CACNA2D3: variants seen among roughly 807,000 people sequenced by gnomAD.
CACNA2D3 encodes the protein calcium voltage-gated channel auxiliary subunit alpha2delta 3.
A neutral mutation model predicts 160.6 loss-of-function variants in CACNA2D3; 60 were observed. The observed-to-expected ratio is 0.37, with a 90% CI of 0.30 to 0.46. The LOEUF (loss-of-function observed/expected upper bound fraction) is 0.46. CACNA2D3 is among the 20% of genes least tolerant of loss of function. CACNA2D3 has a pLI of 1.00. For missense variants in CACNA2D3, 1,205 were observed against 1,365.0 expected, an observed-to-expected ratio of 0.88 and a Z score of 1.85; for synonymous variants, 558 against 492.9, an observed-to-expected ratio of 1.13 and a Z score of -1.75.
At chr3:54,621,239 CA>C (rs1435217336) in intron 9 of CACNA2D3, among the ~76,000 whole-genome samples, 1 of 152,314 alleles carries the variant, frequency 6.6e-6, no homozygotes, top group African/African-American at 2.4e-5. Context: ...GGAAAAAAAA[CA>C]TGATTGCTGT....
intron 35 of CACNA2D3, among the ~76,000 whole-genome samples, chr3:55,046,102 G>A (rs200149069): frequency 6.7e-6 from 1 of 149,002 alleles, no homozygotes; most frequent in African/African-American, 2.5e-5. Context: ...TTTTTTTAAC[G>A]TCTTTTTTTT....
intron 11 of CACNA2D3, among the ~76,000 whole-genome samples, chr3:54,672,842 A>G (rs1469818922): frequency 2.6e-5 from 4 of 152,248 alleles, no homozygotes; most frequent in Non-Finnish European, 4.4e-5. Context: ...AGCCCATAGC[A>G]TGGTGGCTGG....
chr3:54,270,988 C>T (rs1699476688), intron 2 of CACNA2D3, among the ~76,000 whole-genome samples: 1 of 152,290 alleles, frequency 6.6e-6, no homozygotes, highest in East Asian at 1.9e-4. Flanking sequence ...AAATCAGGAA[C>T]AGTAAGTTTC....
intron 6 of CACNA2D3, among the ~76,000 whole-genome samples, chr3:54,565,088 T>A (rs1702387725): frequency 6.6e-6 from 1 of 152,122 alleles, no homozygotes; most frequent in Non-Finnish European, 1.5e-5. Context: ...GTAGCTTGGA[T>A]GAAAGTCCAA....
intron 3 of CACNA2D3, among the ~76,000 whole-genome samples, chr3:54,378,122 C>A (rs952465687): frequency 1.3e-5 from 2 of 152,124 alleles, no homozygotes; most frequent in African/African-American, 4.8e-5. Flanking sequence ...AGGAAATTTC[C>A]TTTCATTTTG....
intron 2 of CACNA2D3, among the ~76,000 whole-genome samples, chr3:54,300,001 C>T (rs993514759): frequency 6.6e-6 from 1 of 152,130 alleles, no homozygotes; most frequent in Admixed American, 6.5e-5. Flanking sequence ...ATTTGCTGCT[C>T]GGATGTATTT....
chr3:54,598,911 G>T (rs73841701), intron 9 of CACNA2D3, among the ~76,000 whole-genome samples: 1 of 152,128 alleles, frequency 6.6e-6, no homozygotes, highest in African/African-American at 2.4e-5. Context: ...GCAAAACACC[G>T]TTTGTGATGC....
intron 3 of CACNA2D3, among the ~76,000 whole-genome samples, chr3:54,359,614 TC>T (rs954561189): frequency 6.6e-6 from 1 of 152,190 alleles, no homozygotes; most frequent in African/African-American, 2.4e-5. Context: ...TCAGTGGAAA[TC>T]AAGGGTTCCA....
intron 35 of CACNA2D3, among the ~76,000 whole-genome samples, chr3:55,062,276 C>T (rs1203243702): frequency 7.9e-6 from 1 of 126,026 alleles, no homozygotes; most frequent in East Asian, 2.4e-4. Context: ...CACATCATAT[C>T]TGTCTTTTTT....
At chr3:54,142,845 T>C (rs1459893704) in intron 2 of CACNA2D3, among the ~76,000 whole-genome samples, 1 of 152,220 alleles carries the variant, frequency 6.6e-6, no homozygotes, top group Non-Finnish European at 1.5e-5. Flanking sequence ...CTCCAGTGCC[T>C]ATGTCTGTAA....
At chr3:54,332,899 G>T (rs1429827720) in intron 3 of CACNA2D3, among the ~76,000 whole-genome samples, 2 of 152,130 alleles carry the variant, frequency 1.3e-5, no homozygotes, top group Non-Finnish European at 2.9e-5. Flanking sequence ...TCCCCACATG[G>T]AGTTTATGTG....
chr3:54,581,895 G>T lies in CACNA2D3; in HGVS notation c.963+18G>T. ...ACAAAGAGGTAGGGGCAGCTCGGGGGAGCATTCCAGTCATGGTACACCCCT... is the reference window on the plus strand; with the variant it reads ...ACAAAGAGGTAGGGGCAGCTCGGGGTAGCATTCCAGTCATGGTACACCCCT... On this transcript the variant is annotated intron_variant, in intron 9 of 37. Coordinates refer to ENST00000474759, the MANE Select transcript of CACNA2D3 (RefSeq NM_018398.3). 1 of 1,608,046 alleles carries T rather than the reference G, an allele frequency of 6.2e-7. No individual in the cohort carries two copies. The highest frequency in any genetic ancestry group is 8.5e-7 in the Non-Finnish European group (1 of 1,175,326).
intron 11 of CACNA2D3, among the ~76,000 whole-genome samples, chr3:54,729,737 C>A (rs943018874): frequency 6.6e-6 from 1 of 152,136 alleles, no homozygotes; most frequent in Non-Finnish European, 1.5e-5. Context: ...TGGTGGCTCA[C>A]GCCTATAATC....
chr3:54,318,890 G>T (rs1321402312), intron 2 of CACNA2D3, among the ~76,000 whole-genome samples: 2 of 151,966 alleles, frequency 1.3e-5, no homozygotes, highest in Admixed American at 6.6e-5. Flanking sequence ...AATTTGTAGA[G>T]ACTGGGTCTC....
intron 4 of CACNA2D3, among the ~76,000 whole-genome samples, chr3:54,414,084 AATTT>A (rs1256941858): frequency 2.0e-5 from 3 of 151,910 alleles, no homozygotes; most frequent in African/African-American, 7.2e-5. Context: ...AAATCAATTA[AATTT>A]ATATTAGGAA....
intron 29 of CACNA2D3, among the ~76,000 whole-genome samples, chr3:54,973,334 C>T (rs1444331159): frequency 6.6e-6 from 1 of 152,178 alleles, no homozygotes; most frequent in African/African-American, 2.4e-5. Flanking sequence ...CTTTTCCACT[C>T]ACCTGTGCAA....
intron 13 of CACNA2D3, among the ~76,000 whole-genome samples, chr3:54,770,185 G>A (rs924258474): frequency 1.3e-5 from 2 of 152,146 alleles, no homozygotes; most frequent in African/African-American, 2.4e-5. Flanking sequence ...CCTATAAAGA[G>A]AATGATGTCT....
rs1259057686 is a variant in CACNA2D3 at position 54,933,613 on chromosome 3, A to T, written c.2449+33745A>T. Reference sequence around the variant, plus strand: ...GGAGATCATAGCAGTTTCTGCCTCCACATTTTATTGCATTATCTCACTTTA... The same window carrying T: ...GGAGATCATAGCAGTTTCTGCCTCCTCATTTTATTGCATTATCTCACTTTA... On this transcript the variant is annotated intron_variant, in intron 27 of 37. Coordinates refer to ENST00000474759, the MANE Select transcript of CACNA2D3 (RefSeq NM_018398.3). 1.1e-4 allele frequency among the ~76,000 whole-genome samples: 17 copies of T among 152,340 alleles called. No individual in the cohort carries two copies. In the South Asian group the frequency reaches 3.5e-3, roughly 32 times the overall value.
chr3:55,051,460 T>C (rs371809463), intron 35 of CACNA2D3, among the ~76,000 whole-genome samples: 3 of 151,904 alleles, frequency 2.0e-5, no homozygotes, highest in South Asian at 2.1e-4. Context: ...CAGTCTGCCC[T>C]TTCTCAGATC....
Sources: gnomAD v4.1 joint callset for allele counts (sites outside exome capture counted in the v4.1 genomes callset) on GRCh38, gnomAD v4.1.1 for gene constraint, MANE v1.5 for transcripts, NCBI Gene and HGNC (gene_info 2026-07-23, HGNC 2026-07-21) for gene names.